Variants in FRMPD1 observed in about 807,000 individuals in gnomAD.
The protein encoded by FRMPD1 is FERM and PDZ domain containing 1.
Under a neutral mutation model 117.8 loss-of-function variants are expected in FRMPD1, and 76 were observed. That is an observed-to-expected ratio of 0.65 (90% CI 0.54 to 0.78). FRMPD1 has a LOEUF of 0.78. Ranked by LOEUF, FRMPD1 falls within the 30% of genes least tolerant of loss-of-function variation. The pLI, the probability that FRMPD1 is intolerant of heterozygous loss-of-function variation, is 0.00. For missense variants in FRMPD1, 1,786 were observed against 1,964.5 expected, an observed-to-expected ratio of 0.91 and a Z score of 1.72; for synonymous variants, 783 against 770.4, an observed-to-expected ratio of 1.02 and a Z score of -0.27.
At chr9:37,613,562 A>G in the FRMPD1 span, among the ~76,000 whole-genome samples, 59,140 of 152,030 alleles carry the variant, frequency 0.39, 12,578 homozygotes, top group African/African-American at 0.57. Flanking sequence ...AAACAGAGAC[A>G]CAGCGGAAAA....
chr9:37,743,520 C>CTTTT (rs531949141), intron 15 of FRMPD1, among the ~76,000 whole-genome samples: 2 of 40,932 alleles, frequency 4.9e-5, no homozygotes, highest in Non-Finnish European at 9.5e-5. Context: ...AATGGCTCTG[C>CTTTT]TTTTTTTTTT....
Position 37,740,291 on chromosome 9 carries a change from A to G in FRMPD1, c.1763A>G (p.Glu588Gly), listed in dbSNP as rs1262167619. 1 of 1,613,694 alleles carries G rather than the reference A, an allele frequency of 6.2e-7. No individual in the cohort carries two copies. The highest frequency in any genetic ancestry group is 1.7e-5 in the Admixed American group (1 of 59,996). ...ASSTTDSAES[E>G]ASDSANTESR... ...AGCACGACAGACAGTGCCGAGTCCG[A>G]GGCGTCCGACTCAGCCAACACTGAG... Residue 588 changes from glutamate to glycine, a missense_variant, in exon 15 of 16, where the codon GAG becomes GGG. Physicochemically the swap from Glu to Gly is moderately conservative, Grantham distance 98. Transcript: ENST00000377765. The surrounding 1 kb of genome is among the most constrained non-coding windows in gnomAD (Gnocchi z 4.2).
At chr9:37,603,529 A>G in the FRMPD1 span, among the ~76,000 whole-genome samples, 5 of 152,228 alleles carry the variant, frequency 3.3e-5, no homozygotes, top group African/African-American at 1.2e-4. Flanking sequence ...CAGATCCATC[A>G]GAAGGAAACA....
chr9:37,678,597 T>C (rs570315901), intron 1 of FRMPD1, among the ~76,000 whole-genome samples: 23 of 152,284 alleles, frequency 1.5e-4, no homozygotes, highest in African/African-American at 5.5e-4. Flanking sequence ...TTTCCTTTTT[T>C]GTTCATTGTT....
At chr9:37,613,993 C>A in the FRMPD1 span, among the ~76,000 whole-genome samples, 1 of 152,188 alleles carries the variant, frequency 6.6e-6, no homozygotes, top group East Asian at 1.9e-4. Context: ...AAATGAAAGA[C>A]TGAATGAATC....
intron 1 of FRMPD1, among the ~76,000 whole-genome samples, chr9:37,689,423 C>T (rs1016824972): frequency 5.9e-5 from 9 of 152,168 alleles, no homozygotes; most frequent in African/African-American, 2.2e-4. Context: ...ATTGCTAATT[C>T]TCCCATACCC....
chr9:37,643,582 C>T, the FRMPD1 span, among the ~76,000 whole-genome samples: 20 of 152,150 alleles, frequency 1.3e-4, no homozygotes, highest in Non-Finnish European at 1.9e-4. Context: ...AATCTCCTTA[C>T]ATTTTTGATT....
intron 1 of FRMPD1, among the ~76,000 whole-genome samples, chr9:37,657,813 G>A (rs562072803): frequency 7.9e-5 from 12 of 152,006 alleles, no homozygotes; most frequent in Non-Finnish European, 1.8e-4. Flanking sequence ...TGCCAGCTCC[G>A]GAGATGATCA....
chr9:37,611,582 T>C, the FRMPD1 span, among the ~76,000 whole-genome samples: 1 of 152,162 alleles, frequency 6.6e-6, no homozygotes, highest in African/African-American at 2.4e-5. Context: ...TGGTAGACTC[T>C]TTTTTTGCCC....
At chr9:37,678,251 CTTTTTTTTTTTTTT>C (rs34040451) in intron 1 of FRMPD1, among the ~76,000 whole-genome samples, 8 of 79,846 alleles carry the variant, frequency 1.0e-4, no homozygotes, top group African/African-American at 1.5e-4. Context: ...GTACTTACCA[CTTTTTTTTTTTTTT>C]TTTTTTTTTT....
Position 37,731,073 on chromosome 9 carries a change from C to A in FRMPD1, c.828C>A (p.Asp276Glu). The change falls in exon 9 of 16, where the codon GAC (aspartate) becomes GAA (glutamate). Residue 276 changes from aspartate to glutamate, a missense_variant. Asp to Glu is a conservative substitution (Grantham distance 45). Transcript: ENST00000377765. ...PKDPLDLLKEDPVAFEYLYLQ... is the reference protein window; with the variant it reads ...PKDPLDLLKEEPVAFEYLYLQ... ...ACCCCCTGGACCTCCTGAAAGAAGA[C>A]CCCGTGGCCTTTGAATACCTCTATC... 6.2e-7 allele frequency: 1 copy of A among 1,613,418 alleles called. No homozygotes were observed. Among genetic ancestry groups the A allele is most frequent in the African/African-American group, 1.3e-5 (1 of 75,016 alleles).
At chr9:37,635,821 G>A in the FRMPD1 span, among the ~76,000 whole-genome samples, 1 of 152,186 alleles carries the variant, frequency 6.6e-6, no homozygotes, top group Non-Finnish European at 1.5e-5. Context: ...AGGGGATGAG[G>A]GCCTTCCCTG....
upstream of FRMPD1, among the ~76,000 whole-genome samples, chr9:37,649,044 C>T (rs1003125435): frequency 2.6e-5 from 4 of 151,950 alleles, no homozygotes; most frequent in Non-Finnish European, 2.9e-5. Context: ...GGGCTGGGTC[C>T]GGCACCTAGA....
intron 1 of FRMPD1, among the ~76,000 whole-genome samples, chr9:37,666,289 A>G (rs1442546010): frequency 6.6e-6 from 1 of 152,196 alleles, no homozygotes; most frequent in African/African-American, 2.4e-5. Context: ...TTGAGTGTCT[A>G]CTGTGAGCAA....
At chr9:37,724,412 G>T in intron 7 of FRMPD1, 92 bp downstream of exon 7, 2 of 682,794 alleles carry the variant, frequency 2.9e-6, no homozygotes, top group African/African-American at 1.8e-5. Flanking sequence ...TGCCTTGGTG[G>T]TCTCACAAAC....
the FRMPD1 span, among the ~76,000 whole-genome samples, chr9:37,624,052 T>C: frequency 2.0e-5 from 3 of 152,136 alleles, no homozygotes; most frequent in Non-Finnish European, 4.4e-5. Context: ...AAGGCACTAC[T>C]TGCAGAGTTG....
At chr9:37,714,844 C>T (rs1823051767) in intron 5 of FRMPD1, among the ~76,000 whole-genome samples, 1 of 151,994 alleles carries the variant, frequency 6.6e-6, no homozygotes, top group African/African-American at 2.4e-5. Context: ...GGCAGGGTTT[C>T]ACCATATTGG....
chr9:37,742,838 G>T (rs1237019752), intron 15 of FRMPD1, among the ~76,000 whole-genome samples: 1 of 152,172 alleles, frequency 6.6e-6, no homozygotes, highest in Admixed American at 6.5e-5. Flanking sequence ...GGCAGAGGCT[G>T]CAGTGAGCCG....
upstream of FRMPD1, among the ~76,000 whole-genome samples, chr9:37,649,682 T>A (rs886164372): frequency 6.6e-6 from 1 of 152,186 alleles, no homozygotes; most frequent in Non-Finnish European, 1.5e-5. Flanking sequence ...CTTGTTAACA[T>A]CTGCCTGTGC....
Sources: allele counts gnomAD v4.1 joint callset (sites outside exome capture counted in the v4.1 genomes callset), GRCh38; gene constraint gnomAD v4.1.1; non-coding constraint Gnocchi (gnomAD v3.1); transcripts MANE v1.5; gene names NCBI Gene and HGNC (gene_info 2026-07-23, HGNC 2026-07-21).